Variants in SMIM28 observed in about 807,000 individuals in gnomAD.
SMIM28 encodes small integral membrane protein 28.
intron 1 of SMIM28, among the ~76,000 whole-genome samples, chr6:138,379,133 TATAAC>T (rs1333704799): frequency 6.6e-6 from 1 of 152,132 alleles, no homozygotes; most frequent in South Asian, 2.1e-4. Flanking sequence ...TTCTAAGTAA[TATAAC>T]ATAAATAATT....
At chr6:138,378,304 A>G in intron 1 of SMIM28, 121 bp downstream of exon 1, 1 of 395,982 alleles carries the variant, frequency 2.5e-6, no homozygotes. Context: ...TACAGCTATA[A>G]CAAAAATAGG....
chr6:138,379,969 AT>A (rs1774294560), intron 1 of SMIM28, among the ~76,000 whole-genome samples: 1 of 152,198 alleles, frequency 6.6e-6, no homozygotes, highest in East Asian at 1.9e-4. Flanking sequence ...TAAAATATAA[AT>A]TTAGTTATGC....
At chr6:138,380,910 T>TG (rs200533718) in intron 1 of SMIM28, among the ~76,000 whole-genome samples, 2,063 of 145,976 alleles carry the variant, frequency 0.014, 32 homozygotes, top group East Asian at 0.097. Flanking sequence ...TTTGTGTGTG[T>TG]TTTTTTTTTT....
rs1254379640 is a variant in SMIM28, at chr6:138,383,106, T to C, written c.*259T>C. 3.4e-6 allele frequency: 1 copy of C among 293,808 alleles called. No homozygotes were observed. Among genetic ancestry groups the C allele is most frequent in the Non-Finnish European group, 6.2e-6 (1 of 161,312 alleles). The allele number at this position is 293,808 out of a possible 1,614,324, so 18.2% of individuals were successfully genotyped here. A position where few individuals can be genotyped will look rare whatever the true frequency, so the allele number is the denominator to read the frequency against. On this transcript the variant is annotated 3_prime_UTR_variant, in exon 2 of 2. Transcript: ENST00000573100. ...CAGGTTCTTCTAAAGATGACTGCAC[T>C]CTCCTAAAATGTATAACACTCCTGA...
intron 1 of SMIM28, 68 bp from the exon 2 acceptor site, chr6:138,382,432 A>G (rs1583091818): frequency 1.0e-5 from 3 of 295,144 alleles, no homozygotes; most frequent in South Asian, 1.6e-4. Flanking sequence ...GAAAGAAAGA[A>G]AAAAAAAAAA....
intron 1 of SMIM28, 70 bp from the exon 2 acceptor site, chr6:138,382,430 G>GA (rs59488191): frequency 0.085 from 23,962 of 281,366 alleles, no homozygotes; most frequent in Middle Eastern, 0.11. Flanking sequence ...AAGAAAGAAA[G>GA]AAAAAAAAAA....
In SMIM28 at chr6:138,378,161, C is replaced by A; in HGVS notation, c.89C>A (p.Pro30His). The A allele has an allele frequency of 2.5e-6, 1 of 398,664 alleles. No individual in the cohort carries two copies. Among genetic ancestry groups the A allele is most frequent in the South Asian group, 1.3e-4 (1 of 7,858 alleles). The allele number at this position is 398,664 out of a possible 1,614,324, so 24.7% of individuals were successfully genotyped here. ...YEWLTSEPGL[P>H]LLETQLQGTQ... The stretch of plus-strand genomic sequence containing the variant: ...TGGTTAACCAGCGAGCCCGGCCTGC[C>A]TCTCCTGGAGACCCAGCTGCAGGTC... The change falls in exon 1 of 2, where the codon CCT becomes CAT. Residue 30 changes from proline to histidine, a missense_variant. Coordinates refer to ENST00000573100, the MANE Select transcript of SMIM28 (RefSeq NM_001368163.3).
Position 138,378,689 on chromosome 6 carries a change from G to A in SMIM28, c.111+506G>A, listed in dbSNP as rs112460160. ...TGCAGCAGCTGCTTTTGCTTTGTCTGGCAAATCACCAGTGCAGTCTCCGTA... is the reference window on the plus strand; with the variant it reads ...TGCAGCAGCTGCTTTTGCTTTGTCTAGCAAATCACCAGTGCAGTCTCCGTA... On this transcript the variant is annotated intron_variant, in intron 1 of 1. Transcript: ENST00000573100. Among the ~76,000 whole-genome samples the A allele has an allele frequency of 2.0e-5, 3 of 152,194 alleles. No individual in the cohort carries two copies. In the South Asian group the frequency reaches 6.2e-4, roughly 32 times the overall value.
Position 138,382,919 on chromosome 6 carries a change from C to A in SMIM28, c.*72C>A, listed in dbSNP as rs1774333060. The A allele has an allele frequency of 2.5e-6, 1 of 398,148 alleles. No individual in the cohort carries two copies. The highest frequency in any genetic ancestry group is 4.4e-6 in the Non-Finnish European group (1 of 226,066). The allele number at this position is 398,148 out of a possible 1,614,324, so 24.7% of individuals were successfully genotyped here. On this transcript the variant is annotated 3_prime_UTR_variant, in exon 2 of 2. Coordinates refer to ENST00000573100, the MANE Select transcript of SMIM28 (RefSeq NM_001368163.3). ...AATCATACAAAACACAGCTCTCCAC[C>A]TTTAATACAGCACCCATGAGAAGAG...
At chr6:138,379,249 G>A (rs752521170) in intron 1 of SMIM28, among the ~76,000 whole-genome samples, 3 of 152,188 alleles carry the variant, frequency 2.0e-5, no homozygotes, top group Non-Finnish European at 4.4e-5. Flanking sequence ...CTAGTTTGCT[G>A]TATAAAAGTC....
intron 1 of SMIM28, among the ~76,000 whole-genome samples, chr6:138,379,048 CT>C (rs1215048957): frequency 6.6e-6 from 1 of 152,046 alleles, no homozygotes; most frequent in Non-Finnish European, 1.5e-5. Context: ...TAAAAAATAA[CT>C]TTGAGGCGGG....
In SMIM28 at chr6:138,382,522, C is replaced by T; in HGVS notation, c.134C>T (p.Thr45Ile). 1 of 398,648 alleles carries T rather than the reference C, an allele frequency of 2.5e-6. No individual in the cohort carries two copies. The highest frequency in any genetic ancestry group is 3.6e-5 in the East Asian group (1 of 28,080). 24.7% of individuals were successfully genotyped at this position (398,648 alleles called of 1,614,324 possible). ...CAGGGCACCCAGGGGGTGAGCTCCA[C>T]CCAGGAGGATGTGGAGCCCTTCCTG... The part of the protein sequence containing the change: ...QLQGTQGVSS[T>I]QEDVEPFLCI... The change falls in exon 2 of 2, where the codon ACC (threonine) becomes ATC (isoleucine). Residue 45 changes from threonine (T) to isoleucine (I), a missense_variant. Thr to Ile is a moderately conservative substitution (Grantham distance 89, BLOSUM62 -1). Transcript: ENST00000573100.
rs531422986 is a variant in SMIM28, at chr6:138,378,424, T to C, written c.111+241T>C. 2.0e-5 allele frequency among the ~76,000 whole-genome samples: 3 copies of C among 152,302 alleles called. No homozygotes were observed. In the South Asian group the frequency reaches 6.2e-4, roughly 32 times the overall value. ...AACTATATCCTAGGAACACTTGATA[T>C]CTGAAATATGTTGAAGAACACCTGA... On this transcript the variant is annotated intron_variant, in intron 1 of 1. Transcript: ENST00000573100.
At chr6:138,379,563 T>C (rs1303549113) in intron 1 of SMIM28, among the ~76,000 whole-genome samples, 1 of 152,166 alleles carries the variant, frequency 6.6e-6, no homozygotes, top group Admixed American at 6.5e-5. Flanking sequence ...AAATAGATTA[T>C]GAGAAATGGT....
At chr6:138,382,056 A>T (rs1002718382) in intron 1 of SMIM28, among the ~76,000 whole-genome samples, 6 of 152,206 alleles carry the variant, frequency 3.9e-5, no homozygotes, top group East Asian at 3.8e-4. Context: ...AATGAGTAAT[A>T]ATGGAAAAAA....
Position 138,383,242 on chromosome 6 carries a change from G to C in SMIM28, c.*395G>C, listed in dbSNP as rs1364961062. Among the ~76,000 whole-genome samples the C allele has an allele frequency of 6.6e-6, 1 of 151,756 alleles. No homozygotes were observed. ...AAAAAAAACTCTGGACCAGCCAAAG[G>C]TAACTACTTTTGCCACCAAATAGAA... On this transcript the variant is annotated 3_prime_UTR_variant, in exon 2 of 2. Coordinates refer to ENST00000573100, the MANE Select transcript of SMIM28 (RefSeq NM_001368163.3).
chr6:138,380,909 GTT>G (rs563908289), intron 1 of SMIM28, among the ~76,000 whole-genome samples: 1 of 145,566 alleles, frequency 6.9e-6, no homozygotes, highest in Admixed American at 6.9e-5. Flanking sequence ...TTTTGTGTGT[GTT>G]TTTTTTTTTG....
chr6:138,382,396 C>CAAA lies in SMIM28; in HGVS notation c.112-85_112-83dup, dbSNP rs59155652. 73 of 147,388 alleles carry CAAA rather than the reference C, an allele frequency of 5.0e-4. 1 individual carries two copies. The highest frequency in any genetic ancestry group is 1.6e-3 in the Middle Eastern group (1 of 640). The allele number at this position is 147,388 out of a possible 1,614,324, so 9.1% of individuals were successfully genotyped here. On this transcript the variant is annotated intron_variant, in intron 1 of 1. Transcript: ENST00000573100. ...TGGGTGACGGAGCAAGACTGTGTCT[C>CAAA]AAAAAAAAAAAAAAAAAAAAAGAAA...
rs137948567 is a variant in SMIM28, at chr6:138,383,207, G to A, written c.*360G>A. ...ACTAATGAGCACAGGAACAGGCTCT[G>A]AAGGGCAAGAAAAAAAACTCTGGAC... On this transcript the variant is annotated 3_prime_UTR_variant, in exon 2 of 2. Coordinates refer to ENST00000573100, the MANE Select transcript of SMIM28 (RefSeq NM_001368163.3). The A allele has an allele frequency of 1.3e-5, 2 of 157,740 alleles. No individual in the cohort carries two copies. The highest frequency in any genetic ancestry group is 3.6e-4 in the East Asian group (2 of 5,534). The allele number at this position is 157,740 out of a possible 1,614,324, so 9.8% of individuals were successfully genotyped here.
Sources: gnomAD v4.1 joint callset for allele counts (sites outside exome capture counted in the v4.1 genomes callset) on GRCh38, gnomAD v4.1.1 for gene constraint, MANE v1.5 for transcripts, NCBI Gene and HGNC (gene_info 2026-07-23, HGNC 2026-07-21) for gene names.